Variants in PAMR1 observed in about 807,000 individuals in gnomAD.
The protein encoded by PAMR1 is peptidase domain containing associated with muscle regeneration 1.
Under a neutral mutation model 81.8 loss-of-function variants are expected in PAMR1, and 88 were observed. That is an observed-to-expected ratio of 1.08 (90% CI 0.91 to 1.28). The LOEUF (loss-of-function observed/expected upper bound fraction) is 1.28. PAMR1 is among the 50% of genes most tolerant of loss of function. The pLI is 0.00. For synonymous variants in PAMR1, 336 were observed against 345.3 expected, an observed-to-expected ratio of 0.97 and a Z score of 0.30; for missense variants, 935 against 919.7, an observed-to-expected ratio of 1.02 and a Z score of -0.21.
At chr11:35,516,813 T>G (rs1851172540) in intron 1 of PAMR1, among the ~76,000 whole-genome samples, 2 of 152,192 alleles carry the variant, frequency 1.3e-5, no homozygotes, top group South Asian at 2.1e-4. Flanking sequence ...CCACAATTCT[T>G]ACTTTACATT....
At chr11:35,486,574 C>A (rs1465164249) in intron 3 of PAMR1, among the ~76,000 whole-genome samples, 2 of 152,194 alleles carry the variant, frequency 1.3e-5, no homozygotes, top group African/African-American at 4.8e-5. Flanking sequence ...GTTCTGCTGT[C>A]CTTGAGAAAG....
At chr11:35,498,683 C>T (rs1040846138) in intron 1 of PAMR1, among the ~76,000 whole-genome samples, 8 of 152,144 alleles carry the variant, frequency 5.3e-5, no homozygotes, top group African/African-American at 9.7e-5. Context: ...TATGCTCACC[C>T]GACTCCGTCC....
intron 1 of PAMR1, among the ~76,000 whole-genome samples, chr11:35,496,038 T>C (rs901118708): frequency 2.6e-5 from 4 of 152,240 alleles, no homozygotes; most frequent in African/African-American, 9.6e-5. Context: ...CACTACTGTC[T>C]GAGCCCCTTC....
chr11:35,494,288 A>T lies in PAMR1; in HGVS notation c.74-16T>A. The T allele has an allele frequency of 6.2e-7, 1 of 1,610,850 alleles. No individual in the cohort carries two copies. The highest frequency in any genetic ancestry group is 8.5e-7 in the Non-Finnish European group (1 of 1,177,852). Reference sequence around the variant, plus strand: ...ACTGTGTACTCTGAAATGGAAAACCAGCAGGTGAGGCTAGGTCCTGGCAGG... The same window carrying T: ...ACTGTGTACTCTGAAATGGAAAACCTGCAGGTGAGGCTAGGTCCTGGCAGG... On this transcript the variant is annotated splice_polypyrimidine_tract_variant and intron_variant, in intron 1 of 10. Transcript: ENST00000619888.
At position 35,436,326 on chromosome 11, in the gene PAMR1, C is replaced by A. The variant is rs373371860; in HGVS notation, c.1101-191G>T. The A allele has an allele frequency of 3.0e-5, 17 of 571,084 alleles. No homozygotes were observed. In the African/African-American group the frequency reaches 3.2e-4, roughly 11 times the overall value. The allele number at this position is 571,084 out of a possible 1,614,324, so 35.4% of individuals were successfully genotyped here. A position where few individuals can be genotyped will look rare whatever the true frequency, so the allele number is the denominator to read the frequency against. ...GCAGGGTCTCCCTCTGTCCCTCACT[C>A]CAGGATGGAGTGTAGTGATGCGATC... On this transcript the variant is annotated intron_variant, in intron 8 of 10. Transcript: ENST00000619888.
intron 1 of PAMR1, among the ~76,000 whole-genome samples, chr11:35,502,920 A>T (rs1850879213): frequency 6.6e-6 from 1 of 152,138 alleles, no homozygotes; most frequent in South Asian, 2.1e-4. Flanking sequence ...CTTTGCCCAG[A>T]TCAATGTCCT....
chr11:35,475,133 C>G (rs1850263247), intron 3 of PAMR1, among the ~76,000 whole-genome samples: 1 of 152,208 alleles, frequency 6.6e-6, no homozygotes, highest in African/African-American at 2.4e-5. Flanking sequence ...CAAATGCCAG[C>G]CTGCTGCCCC....
intron 1 of PAMR1, among the ~76,000 whole-genome samples, chr11:35,506,168 T>C (rs676688): frequency 0.31 from 47,263 of 151,132 alleles, 7,484 homozygotes; most frequent in African/African-American, 0.37. Flanking sequence ...TTCTACAATT[T>C]AATTCCATCC....
chr11:35,442,235 T>C (rs1590320084), intron 6 of PAMR1, among the ~76,000 whole-genome samples: 2 of 152,354 alleles, frequency 1.3e-5, no homozygotes, highest in African/African-American at 4.8e-5. Context: ...TAGTTAAAAA[T>C]ACTACAGAAC....
intron 3 of PAMR1, among the ~76,000 whole-genome samples, chr11:35,488,991 G>A (rs1195011890): frequency 6.6e-6 from 1 of 152,016 alleles, no homozygotes; most frequent in Non-Finnish European, 1.5e-5. Flanking sequence ...ACTGCCCCCA[G>A]CTTCCAGAAC....
chr11:35,441,975 G>T (rs1233756259), intron 6 of PAMR1, among the ~76,000 whole-genome samples: 1 of 152,096 alleles, frequency 6.6e-6, no homozygotes, highest in African/African-American at 2.4e-5. Context: ...TTCTCAAACT[G>T]TTGGAACTAG....
chr11:35,465,545 T>G (rs897353249), intron 6 of PAMR1, among the ~76,000 whole-genome samples: 11 of 152,250 alleles, frequency 7.2e-5, no homozygotes, highest in Non-Finnish European at 8.8e-5. Context: ...TAACATAAAC[T>G]GCCATAGCCA....
intron 4 of PAMR1, 49 bp from the exon 5 acceptor site, chr11:35,470,867 C>T (rs1321074647): frequency 3.0e-6 from 4 of 1,326,026 alleles, no homozygotes; most frequent in East Asian, 4.6e-5. Context: ...CCTGGACAGT[C>T]CTGAGACCGC....
chr11:35,456,588 G>C (rs553930078), intron 6 of PAMR1, among the ~76,000 whole-genome samples: 81 of 152,170 alleles, frequency 5.3e-4, no homozygotes, highest in African/African-American at 2.0e-3. Flanking sequence ...ATTTAACCAG[G>C]GCACATTTGT....
chr11:35,444,690 C>T (rs1856254458), intron 6 of PAMR1, among the ~76,000 whole-genome samples: 1 of 152,000 alleles, frequency 6.6e-6, no homozygotes, highest in Non-Finnish European at 1.5e-5. Flanking sequence ...CTGTTCTGTT[C>T]CATTGGTCTA....
intron 3 of PAMR1, among the ~76,000 whole-genome samples, chr11:35,480,734 C>T (rs1850375177): frequency 6.6e-6 from 1 of 152,104 alleles, no homozygotes; most frequent in Non-Finnish European, 1.5e-5. Context: ...ATTTGCAGAA[C>T]ATGCAGGTTT....
intron 8 of PAMR1, among the ~76,000 whole-genome samples, chr11:35,437,485 T>C (rs599773): frequency 0.13 from 19,883 of 152,088 alleles, 1,423 homozygotes; most frequent in African/African-American, 0.16. Context: ...CTTTAGCTCA[T>C]GTTTATAATG....
intron 1 of PAMR1, among the ~76,000 whole-genome samples, chr11:35,508,883 AT>A (rs1443985041): frequency 6.6e-6 from 1 of 152,208 alleles, no homozygotes; most frequent in East Asian, 1.9e-4. Flanking sequence ...ACTTGATGTC[AT>A]TTTTTATGGC....
At chr11:35,489,222 G>C (rs1007636670) in intron 3 of PAMR1, among the ~76,000 whole-genome samples, 1 of 152,120 alleles carries the variant, frequency 6.6e-6, no homozygotes, top group Non-Finnish European at 1.5e-5. Context: ...TCTTATAGAT[G>C]TCCAAATTCC....
Sources: allele counts gnomAD v4.1 joint callset (sites outside exome capture counted in the v4.1 genomes callset), GRCh38; gene constraint gnomAD v4.1.1; transcripts MANE v1.5; gene names NCBI Gene and HGNC (gene_info 2026-07-23, HGNC 2026-07-21).